The following ACBD3 variants were observed in gnomAD, a reference collection of about 807,000 sequenced individuals.
ACBD3 encodes Golgi resident protein GCP60.
Under a neutral mutation model 66.9 loss-of-function variants are expected in ACBD3, and 30 were observed. The ratio of observed to expected loss-of-function variants is 0.45; its 90% CI spans 0.34 to 0.61. ACBD3 has a LOEUF of 0.61. Ranked by LOEUF, ACBD3 falls within the 20% of genes least tolerant of loss-of-function variation. ACBD3 has a pLI of 0.02. For missense variants in ACBD3, 544 were observed against 664.5 expected (o/e 0.82, Z 1.99); for synonymous variants, 278 against 259.8 (o/e 1.07, Z -0.68).
chr1:226,158,166 T>C (rs765183758), intron 5 of ACBD3, among the ~76,000 whole-genome samples: 5 of 152,186 alleles, frequency 3.3e-5, no homozygotes, highest in Non-Finnish European at 7.3e-5. Flanking sequence ...GGAGAAAAGG[T>C]TGTTTAGTAA....
chr1:226,174,374 G>A (rs1397910738), intron 1 of ACBD3, among the ~76,000 whole-genome samples: 1 of 152,086 alleles, frequency 6.6e-6, no homozygotes, highest in African/African-American at 2.4e-5. Context: ...AAAACATGCA[G>A]ATAAACCTCT....
chr1:226,157,128 T>C (rs1659689872), intron 5 of ACBD3, among the ~76,000 whole-genome samples: 1 of 152,220 alleles, frequency 6.6e-6, no homozygotes, highest in Non-Finnish European at 1.5e-5. Flanking sequence ...AAAATTAATA[T>C]TTTATAGGAG....
chr1:226,155,086 T>C, intron 5 of ACBD3: 1 of 277,624 alleles, frequency 3.6e-6, no homozygotes, highest in East Asian at 6.0e-5. Context: ...GGCTCACATT[T>C]CTGTGATCTG....
chr1:226,183,186 AT>A, intron 1 of ACBD3, among the ~76,000 whole-genome samples: 1 of 151,786 alleles, frequency 6.6e-6, no homozygotes, highest in Non-Finnish European at 1.5e-5. Context: ...TTATTTATTT[AT>A]TTTTTTGAGA....
intron 1 of ACBD3, among the ~76,000 whole-genome samples, chr1:226,184,118 G>A (rs1656238546): frequency 6.6e-6 from 1 of 152,148 alleles, no homozygotes; most frequent in South Asian, 2.1e-4. Context: ...GTGAATCCGG[G>A]AGGTGGAGCT....
chr1:226,163,739 A>G (rs1225042684), intron 3 of ACBD3, among the ~76,000 whole-genome samples: 1 of 152,136 alleles, frequency 6.6e-6, no homozygotes, highest in Non-Finnish European at 1.5e-5. Flanking sequence ...GCTTTCTATT[A>G]TGTCCCTAAT....
At chr1:226,168,797 C>A (rs755267602) in intron 1 of ACBD3, among the ~76,000 whole-genome samples, 2 of 123,002 alleles carry the variant, frequency 1.6e-5, no homozygotes, top group African/African-American at 3.3e-5. Context: ...ATATTAATCA[C>A]CAAAAGTTTT....
chr1:226,147,471 T>C (rs1407038676), intron 7 of ACBD3, among the ~76,000 whole-genome samples: 1 of 152,190 alleles, frequency 6.6e-6, no homozygotes, highest in Non-Finnish European at 1.5e-5. Context: ...CAATTCCTAA[T>C]TCATCCTCAG....
intron 1 of ACBD3, among the ~76,000 whole-genome samples, chr1:226,174,041 G>A (rs1314477339): frequency 1.3e-5 from 2 of 152,026 alleles, no homozygotes; most frequent in African/African-American, 4.8e-5. Context: ...TGGGATTACA[G>A]TGTGAGCCAC....
intron 4 of ACBD3, among the ~76,000 whole-genome samples, chr1:226,160,882 TC>T (rs1371390917): frequency 6.6e-6 from 1 of 152,194 alleles, no homozygotes; most frequent in African/African-American, 2.4e-5. Flanking sequence ...CCAACAAGAT[TC>T]TCTGTCCTGG....
Position 226,159,313 on chromosome 1 carries a change from G to C in ACBD3, c.774C>G (p.Phe258Leu). The C allele has an allele frequency of 6.2e-7, 1 of 1,614,156 alleles. No homozygotes were observed. The highest frequency in any genetic ancestry group is 8.5e-7 in the Non-Finnish European group (1 of 1,180,030). Residue 258 changes from phenylalanine (F) to leucine (L), a missense_variant, in exon 5 of 8, where the codon TTC (phenylalanine) becomes TTG (leucine). Phe to Leu is a conservative substitution (Grantham distance 22). Coordinates refer to ENST00000366812, the MANE Select transcript of ACBD3 (RefSeq NM_022735.4). The part of the protein sequence containing the change: ...AALNSQTAVQ[F>L]QQYAAQQYPG... ...GATACTGTTGGGCTGCATACTGCTG[G>C]AACTGCACGGCAGTCTGGGAGTTTA... is the stretch of plus-strand genomic sequence containing the variant.
intron 1 of ACBD3, among the ~76,000 whole-genome samples, chr1:226,167,441 T>C (rs1451471252): frequency 6.6e-6 from 1 of 152,214 alleles, no homozygotes; most frequent in Non-Finnish European, 1.5e-5. Flanking sequence ...TATTAATGCT[T>C]TTCTTTCCTT....
At chr1:226,185,882 TC>T (rs1303791706) in intron 1 of ACBD3, among the ~76,000 whole-genome samples, 2 of 152,122 alleles carry the variant, frequency 1.3e-5, no homozygotes, top group African/African-American at 4.8e-5. Flanking sequence ...TGCCGGGGGA[TC>T]AAGTCCTGTT....
intron 1 of ACBD3, among the ~76,000 whole-genome samples, chr1:226,173,757 C>CTTTTTTTTTTTTTTTTTTTT (rs145462202): frequency 5.4e-4 from 48 of 88,320 alleles, no homozygotes; most frequent in Non-Finnish European, 8.1e-4. Flanking sequence ...TTTTTCTTTT[C>CTTTTTTTTTTTTTTTTTTTT]TTTTTTTTTT....
At chr1:226,171,862 A>G (rs1161930893) in intron 1 of ACBD3, among the ~76,000 whole-genome samples, 1 of 151,968 alleles carries the variant, frequency 6.6e-6, no homozygotes, top group East Asian at 2.0e-4. Flanking sequence ...GTTTTTAAAA[A>G]GAAGAATATG....
Position 226,145,372 on chromosome 1 carries a change from A to G in ACBD3, c.*1238T>C, listed in dbSNP as rs967026523. 1.3e-5 allele frequency: 2 copies of G among 152,448 alleles called. No homozygotes were observed. The highest frequency in any genetic ancestry group is 2.9e-5 in the Non-Finnish European group (2 of 68,018). The allele number at this position is 152,448 out of a possible 1,614,324, so 9.4% of individuals were successfully genotyped here. ...CTAAGTACTTCAGTAACAACATACA[A>G]TAACAACATTAAGTGTATATTGCCA... On this transcript the variant is annotated 3_prime_UTR_variant, in exon 8 of 8. Transcript: ENST00000366812.
chr1:226,161,369 A>G (rs528746696), intron 4 of ACBD3, among the ~76,000 whole-genome samples, 162 bp downstream of exon 4: 2 of 151,754 alleles, frequency 1.3e-5, no homozygotes, highest in African/African-American at 2.4e-5. Context: ...CCATCTCCCA[A>G]CCTCAGGTGA....
At chr1:226,167,025 G>A (rs1276944653) in intron 1 of ACBD3, among the ~76,000 whole-genome samples, 1 of 152,068 alleles carries the variant, frequency 6.6e-6, no homozygotes, top group Non-Finnish European at 1.5e-5. Context: ...TGAACCCTGG[G>A]TTCAAGCAAT....
chr1:226,174,637 C>T (rs1021027759), intron 1 of ACBD3, among the ~76,000 whole-genome samples: 1 of 151,670 alleles, frequency 6.6e-6, no homozygotes, highest in Admixed American at 6.6e-5. Context: ...TGGTGGTGCA[C>T]GCCCTGTAAT....
Sources: gnomAD v4.1 joint callset for allele counts (sites outside exome capture counted in the v4.1 genomes callset) on GRCh38, gnomAD v4.1.1 for gene constraint, MANE v1.5 for transcripts, NCBI Gene and HGNC (gene_info 2026-07-23, HGNC 2026-07-21) for gene names.